The following ALK variants were observed in gnomAD, a reference collection of about 807,000 sequenced individuals.
ALK encodes ALK receptor tyrosine kinase, also known as ALK tyrosine kinase receptor.
ALK carries 74 observed loss-of-function variants against 163.1 expected under a neutral mutation model. The ratio of observed to expected loss-of-function variants is 0.45; its 90% CI spans 0.38 to 0.55. ALK has a LOEUF of 0.55. Ranked by LOEUF, ALK falls within the 20% of genes least tolerant of loss-of-function variation. The pLI is 0.00. For synonymous variants in ALK, 960 were observed against 843.2 expected (o/e 1.14, Z -2.40); for missense variants, 2,063 against 2,105.3 (o/e 0.98, Z 0.39).
intron 3 of ALK, among the ~76,000 whole-genome samples, chr2:29,556,317 TGGA>T (rs1673859715): frequency 6.6e-6 from 1 of 152,198 alleles, no homozygotes; most frequent in African/African-American, 2.4e-5. Flanking sequence ...TGTAGAACTA[TGGA>T]GAAGTCTCAC....
intron 1 of ALK, among the ~76,000 whole-genome samples, chr2:29,771,146 C>A (rs766365813): frequency 6.6e-5 from 10 of 152,062 alleles, no homozygotes; most frequent in South Asian, 4.1e-4. Flanking sequence ...CACACACAGA[C>A]ATAGATGCAT....
chr2:29,713,886 T>A (rs936367657), intron 2 of ALK, among the ~76,000 whole-genome samples: 3 of 152,108 alleles, frequency 2.0e-5, no homozygotes, highest in African/African-American at 7.2e-5. Context: ...CCTGCTCATA[T>A]GGGCAGAACC....
At chr2:29,907,930 T>C (rs887184527) in intron 1 of ALK, among the ~76,000 whole-genome samples, 12 of 152,214 alleles carry the variant, frequency 7.9e-5, no homozygotes, top group African/African-American at 2.4e-4. Context: ...GTCTTCAAGG[T>C]TCCAAAACCT....
intron 1 of ALK, among the ~76,000 whole-genome samples, chr2:29,908,118 A>G (rs755980663): frequency 3.9e-5 from 6 of 152,198 alleles, no homozygotes; most frequent in African/African-American, 1.4e-4. Context: ...TGCAGTCAAC[A>G]CGCAGTCAAA....
intron 8 of ALK, among the ~76,000 whole-genome samples, chr2:29,298,780 T>C (rs1163714735): frequency 1.3e-5 from 2 of 152,178 alleles, no homozygotes; most frequent in African/African-American, 2.4e-5. Context: ...TCCTCCTTTC[T>C]TTTCCTTTTC....
At chr2:29,659,424 G>T (rs1231223686) in intron 3 of ALK, among the ~76,000 whole-genome samples, 5 of 152,084 alleles carry the variant, frequency 3.3e-5, no homozygotes, top group East Asian at 1.9e-4. Flanking sequence ...ATGGCATAGG[G>T]TCTCCATGGT....
At chr2:29,437,326 G>A (rs533504867) in intron 4 of ALK, among the ~76,000 whole-genome samples, 3 of 152,182 alleles carry the variant, frequency 2.0e-5, no homozygotes, top group South Asian at 2.1e-4. Context: ...TTGAACATAC[G>A]TAATGTGAGA....
At chr2:29,253,302 G>A (rs577012638) in intron 11 of ALK, among the ~76,000 whole-genome samples, 5 of 152,266 alleles carry the variant, frequency 3.3e-5, no homozygotes, top group Non-Finnish European at 7.4e-5. Flanking sequence ...CACCACACGA[G>A]GGGTGATGTG....
At chr2:29,257,702 A>T (rs1396022161) in intron 11 of ALK, among the ~76,000 whole-genome samples, 2 of 152,164 alleles carry the variant, frequency 1.3e-5, no homozygotes, top group East Asian at 3.9e-4. Flanking sequence ...TTTTATTCAG[A>T]TCCATAGCAT....
chr2:29,870,405 C>A (rs1666547341), intron 1 of ALK, among the ~76,000 whole-genome samples: 1 of 151,996 alleles, frequency 6.6e-6, no homozygotes, highest in South Asian at 2.1e-4. Flanking sequence ...AAAACCAGAT[C>A]TCATAAGAAC....
chr2:29,461,236 T>C (rs886873111), intron 4 of ALK, among the ~76,000 whole-genome samples: 4 of 152,212 alleles, frequency 2.6e-5, no homozygotes, highest in African/African-American at 4.8e-5. Context: ...AACATAAAAG[T>C]ACAAAGTGAA....
intron 11 of ALK, among the ~76,000 whole-genome samples, chr2:29,261,664 C>G (rs1295796167): frequency 1.3e-5 from 2 of 152,240 alleles, no homozygotes; most frequent in African/African-American, 2.4e-5. Flanking sequence ...TATAATTTAA[C>G]CTTTTCTTGA....
intron 4 of ALK, among the ~76,000 whole-genome samples, chr2:29,399,587 C>T (rs1669393430): frequency 6.6e-6 from 1 of 152,184 alleles, no homozygotes; most frequent in Admixed American, 6.5e-5. Flanking sequence ...TCTAGGCTGG[C>T]ACTCCCTTAT....
At chr2:29,730,141 C>T (rs183092278) in intron 1 of ALK, among the ~76,000 whole-genome samples, 76 of 152,286 alleles carry the variant, frequency 5.0e-4, no homozygotes, top group African/African-American at 1.6e-3. Context: ...CCATTAAATG[C>T]GGCACAAGCT....
chr2:29,876,674 TAA>T (rs1666725726), intron 1 of ALK, among the ~76,000 whole-genome samples: 1 of 142,698 alleles, frequency 7.0e-6, no homozygotes, highest in African/African-American at 2.7e-5. Context: ...GTGATGATGG[TAA>T]CGATGGTGAT....
At chr2:29,772,851 TTTTCCTAC>T (rs1471409199) in intron 1 of ALK, among the ~76,000 whole-genome samples, 5 of 152,202 alleles carry the variant, frequency 3.3e-5, no homozygotes, top group Non-Finnish European at 5.9e-5. Flanking sequence ...CTTGATAATA[TTTTCCTAC>T]CTGGTCTCAT....
intron 20 of ALK, among the ~76,000 whole-genome samples, chr2:29,223,080 G>A (rs1669851264): frequency 6.6e-6 from 1 of 152,174 alleles, no homozygotes; most frequent in African/African-American, 2.4e-5. Flanking sequence ...GAGCCAGGTA[G>A]ACTTGGAGAG....
At chr2:29,502,325 G>T (rs868554434) in intron 4 of ALK, among the ~76,000 whole-genome samples, 1 of 152,188 alleles carries the variant, frequency 6.6e-6, no homozygotes, top group Admixed American at 6.5e-5. Flanking sequence ...GCATAGTTAA[G>T]ATTTGCTGAA....
intron 1 of ALK, among the ~76,000 whole-genome samples, chr2:29,780,926 T>A (rs1013142094): frequency 6.6e-6 from 1 of 152,196 alleles, no homozygotes; most frequent in Non-Finnish European, 1.5e-5. Context: ...AAAGAAAAGG[T>A]CAGGTAGGAA....
Sources: allele counts gnomAD v4.1 joint callset (sites outside exome capture counted in the v4.1 genomes callset), GRCh38; gene constraint gnomAD v4.1.1; transcripts MANE v1.5; gene names NCBI Gene and HGNC (gene_info 2026-07-23, HGNC 2026-07-21).